The following TENM2 variants were observed in gnomAD, a reference collection of about 807,000 sequenced individuals.
TENM2 encodes teneurin-2.
TENM2 carries 52 observed loss-of-function variants against 245.2 expected under a neutral mutation model. That is an observed-to-expected ratio of 0.21 (90% CI 0.17 to 0.27). TENM2 has a LOEUF of 0.27. TENM2 is among the 10% of genes least tolerant of loss of function. The pLI is 1.00. For missense variants in TENM2, 3,046 were observed against 3,666.8 expected (o/e 0.83, Z 4.37); for synonymous variants, 1,363 against 1,438.9 (o/e 0.95, Z 1.19).
intron 2 of TENM2, among the ~76,000 whole-genome samples, chr5:167,380,667 G>C (rs1322308804): frequency 6.6e-6 from 1 of 152,094 alleles, no homozygotes; most frequent in Non-Finnish European, 1.5e-5. Flanking sequence ...GGCAAGGGCA[G>C]CCTGATTATT....
chr5:167,435,405 T>G (rs1764487122), intron 2 of TENM2, among the ~76,000 whole-genome samples: 1 of 152,184 alleles, frequency 6.6e-6, no homozygotes, highest in South Asian at 2.1e-4. Context: ...GAAACCCGTT[T>G]TGCTTGACTC....
At chr5:167,867,012 A>G (rs1024818180) in intron 2 of TENM2, among the ~76,000 whole-genome samples, 1 of 152,254 alleles carries the variant, frequency 6.6e-6, no homozygotes, top group African/African-American at 2.4e-5. Context: ...AATCTGGACA[A>G]CTACACATGA....
At chr5:167,560,580 A>C (rs1347167408) in intron 2 of TENM2, among the ~76,000 whole-genome samples, 2 of 152,096 alleles carry the variant, frequency 1.3e-5, no homozygotes, top group Non-Finnish European at 2.9e-5. Flanking sequence ...TGAGCACATT[A>C]TTTGTCTCCT....
chr5:168,076,311 T>C (rs1285015833), intron 7 of TENM2, among the ~76,000 whole-genome samples: 2 of 150,322 alleles, frequency 1.3e-5, no homozygotes, highest in African/African-American at 4.9e-5. Context: ...CTGCAACCTC[T>C]GCCTCCCAGG....
At chr5:167,580,045 T>C (rs1446527018) in intron 2 of TENM2, among the ~76,000 whole-genome samples, 1 of 152,212 alleles carries the variant, frequency 6.6e-6, no homozygotes, top group Admixed American at 6.5e-5. Context: ...CTGAATGGAT[T>C]ACAAATTTCT....
intron 24 of TENM2, 103 bp from the exon 27 acceptor site, chr5:168,227,792 T>G (rs569704042): frequency 4.1e-5 from 30 of 726,758 alleles, no homozygotes; most frequent in Non-Finnish European, 6.8e-5. Flanking sequence ...GGCTGCAAAG[T>G]ACCATGGAAA....
At chr5:167,721,033 G>C (rs919855023) in intron 2 of TENM2, among the ~76,000 whole-genome samples, 42 of 152,124 alleles carry the variant, frequency 2.8e-4, no homozygotes, top group African/African-American at 9.7e-4. Context: ...CATTCTCATT[G>C]CCCAATCACT....
the TENM2 span, among the ~76,000 whole-genome samples, chr5:167,020,858 C>A: frequency 6.6e-6 from 1 of 152,260 alleles, no homozygotes; most frequent in South Asian, 2.1e-4. Flanking sequence ...TAGAAGGAGA[C>A]CTAGGTCGGG....
At chr5:167,989,750 G>A (rs1169950520) in intron 4 of TENM2, among the ~76,000 whole-genome samples, 2 of 152,200 alleles carry the variant, frequency 1.3e-5, no homozygotes, top group Non-Finnish European at 2.9e-5. Flanking sequence ...ATTGGATGGG[G>A]AAAGGCAAGG....
At chr5:167,602,783 A>G (rs1776729998) in intron 2 of TENM2, among the ~76,000 whole-genome samples, 1 of 152,344 alleles carries the variant, frequency 6.6e-6, no homozygotes, top group Non-Finnish European at 1.5e-5. Context: ...GCAGTGGAGC[A>G]TGGAAGGAGA....
intron 5 of TENM2, among the ~76,000 whole-genome samples, chr5:167,996,514 C>A (rs1333116714): frequency 6.6e-6 from 1 of 152,178 alleles, no homozygotes; most frequent in Non-Finnish European, 1.5e-5. Context: ...AGGAAGGTGT[C>A]TTTCTTCTTC....
At chr5:167,275,551 T>C in the TENM2 span, among the ~76,000 whole-genome samples, 1 of 152,092 alleles carries the variant, frequency 6.6e-6, no homozygotes, top group South Asian at 2.1e-4. Flanking sequence ...TGTTGGGTAG[T>C]TTGCACCACA....
In TENM2 at chr5:167,764,561, T is replaced by G. The variant is rs547510417; in HGVS notation, c.503-111425T>G. Among the ~76,000 whole-genome samples the G allele has an allele frequency of 5.1e-4, 77 of 152,278 alleles. 2 individuals carry two copies. The Middle Eastern group carries it at 0.014, about 27-fold the overall frequency. ...GAGAGAGTTCCCACTCTTGCCTTTG[T>G]GTTTCAGACAGTGCATTGAGTTACA... On this transcript the variant is annotated intron_variant, in intron 2 of 28. Coordinates refer to ENST00000518659, the Ensembl canonical transcript of TENM2.
chr5:166,999,493 T>C, the TENM2 span, among the ~76,000 whole-genome samples: 1 of 152,120 alleles, frequency 6.6e-6, no homozygotes, highest in South Asian at 2.1e-4. Flanking sequence ...AGGGAGTCCA[T>C]GGTAAAAGAT....
At chr5:167,660,558 C>CT (rs1755144690) in intron 2 of TENM2, 1 of 149,452 alleles carries the variant, frequency 6.7e-6, no homozygotes, top group South Asian at 2.1e-4. Context: ...CCTCTGCTTC[C>CT]TTTTTGTCCC....
chr5:166,979,999 G>A, the TENM2 span, among the ~76,000 whole-genome samples: 1 of 152,100 alleles, frequency 6.6e-6, no homozygotes, highest in South Asian at 2.1e-4. Context: ...CTACTGTATG[G>A]TACATGCTGG....
chr5:167,004,248 A>C, the TENM2 span, among the ~76,000 whole-genome samples: 2 of 152,238 alleles, frequency 1.3e-5, no homozygotes, highest in African/African-American at 4.8e-5. Flanking sequence ...CCGATGAGGA[A>C]AATGCTTATT....
intron 2 of TENM2, among the ~76,000 whole-genome samples, chr5:167,774,480 T>G (rs1763624344): frequency 6.6e-6 from 1 of 152,168 alleles, no homozygotes; most frequent in Admixed American, 6.5e-5. Flanking sequence ...CAGGTGCTAA[T>G]CGGACTATCC....
the TENM2 span, among the ~76,000 whole-genome samples, chr5:167,235,277 TA>T: frequency 1.1e-4 from 16 of 152,226 alleles, no homozygotes; most frequent in Admixed American, 2.0e-4. Context: ...ATTACCTCTT[TA>T]AACACCTGTC....
Sources: gnomAD v4.1 joint callset for allele counts (sites outside exome capture counted in the v4.1 genomes callset) on GRCh38, gnomAD v4.1.1 for gene constraint, MANE v1.5 for transcripts, NCBI Gene and HGNC (gene_info 2026-07-23, HGNC 2026-07-21) for gene names.